Variants in FBN2 observed in about 807,000 individuals in gnomAD.
FBN2 encodes fibrillin-2.
FBN2 carries 105 observed loss-of-function variants against 355.6 expected under a neutral mutation model. The observed-to-expected ratio is 0.30, with a 90% CI of 0.25 to 0.35. The LOEUF is 0.35. Among genes scored for constraint, FBN2 ranks in the 10% least tolerant of loss-of-function variants. FBN2 has a pLI of 1.00. For synonymous variants in FBN2, 1,350 were observed against 1,301.2 expected (o/e 1.04, Z -0.81); for missense variants, 3,280 against 3,758.7 (o/e 0.87, Z 3.33).
At chr5:128,390,844 A>T (rs1158140099) in intron 11 of FBN2, among the ~76,000 whole-genome samples, 2 of 152,224 alleles carry the variant, frequency 1.3e-5, no homozygotes, top group African/African-American at 4.8e-5. Context: ...TTTGATGCTA[A>T]TGTTAACATT....
intron 25 of FBN2, among the ~76,000 whole-genome samples, chr5:128,344,158 G>A (rs1001932063): frequency 6.6e-6 from 1 of 152,180 alleles, no homozygotes; most frequent in Non-Finnish European, 1.5e-5. Context: ...GGCTGAGGTG[G>A]AGGGACTACT....
At chr5:128,510,308 G>T (rs1347671938) in intron 5 of FBN2, among the ~76,000 whole-genome samples, 1 of 152,224 alleles carries the variant, frequency 6.6e-6, no homozygotes, top group Non-Finnish European at 1.5e-5. Context: ...ACGAATTTGT[G>T]TTGGGCTGCA....
At chr5:128,525,849 T>G (rs1255264520) in intron 4 of FBN2, among the ~76,000 whole-genome samples, 7 of 152,154 alleles carry the variant, frequency 4.6e-5, no homozygotes, top group African/African-American at 1.7e-4. Context: ...AAGTGAAAAT[T>G]GTGTGAAATT....
Position 128,272,236 on chromosome 5 carries a change from G to C in FBN2, c.7841-118C>G, listed in dbSNP as rs909292886. The C allele has an allele frequency of 1.3e-5, 15 of 1,138,834 alleles. No homozygotes were observed. In the Middle Eastern group the frequency reaches 6.3e-4, roughly 48 times the overall value. 70.5% of individuals were successfully genotyped at this position (1,138,834 alleles called of 1,614,324 possible). On this transcript the variant is annotated intron_variant, in intron 61 of 64. Coordinates refer to ENST00000262464, the MANE Select transcript of FBN2 (RefSeq NM_001999.4). ...GGGAACAAACAAACAAACAAGACATGACACATAGAGAGGCTGTCATTTTTC... is the reference window on the plus strand; with the variant it reads ...GGGAACAAACAAACAAACAAGACATCACACATAGAGAGGCTGTCATTTTTC...
At chr5:128,280,510 G>T (rs930300576) in intron 55 of FBN2, among the ~76,000 whole-genome samples, 193 bp from the exon 56 acceptor site, 2 of 151,990 alleles carry the variant, frequency 1.3e-5, no homozygotes, top group Admixed American at 6.6e-5. Flanking sequence ...TCTTTCTTAA[G>T]ATAATGTTGT....
rs1452915594 is a variant in FBN2 at position 128,274,643 on chromosome 5, G to A, written c.7635C>T (p.Phe2545=). ...ECQTKQHNCQ[F]LCVNTLGGFT... is the part of the protein sequence containing the mutation. Reference sequence around the variant, plus strand: ...ACCCCCCCAGGGTGTTGACACAGAGGAACTGGCAGTTATGCTGCTTTGTTT... The same window carrying A: ...ACCCCCCCAGGGTGTTGACACAGAGAAACTGGCAGTTATGCTGCTTTGTTT... Residue 2545 remains phenylalanine, a synonymous_variant, in exon 60 of 65, where the codon TTC becomes TTT. Transcript: ENST00000262464. 6.2e-7 allele frequency: 1 copy of A among 1,613,320 alleles called. No homozygotes were observed. Among genetic ancestry groups the A allele is most frequent in the Non-Finnish European group, 8.5e-7 (1 of 1,179,304 alleles).
In FBN2 at chr5:128,349,455, C is replaced by T. The variant is rs1210313043; in HGVS notation, c.2881G>A (p.Val961Met). The T allele has an allele frequency of 6.2e-7, 1 of 1,613,800 alleles. No homozygotes were observed. Among genetic ancestry groups the T allele is most frequent in the African/African-American group, 1.3e-5 (1 of 74,894 alleles). The change falls in exon 23 of 65, where the codon GTG (valine) becomes ATG (methionine). Residue 961 changes from valine (V) to methionine (M), a missense_variant. By Grantham distance (21) the Val-to-Met change is conservative. Transcript: ENST00000262464. ...CCATTTGGACAAACGCCAGGGAACA[C>T]CTCACACTCATTAACATCTGCAGGG... ...VTCEDVNECE[V>M]FPGVCPNGRC...
chr5:128,434,295 T>C (rs1435045540), intron 7 of FBN2, among the ~76,000 whole-genome samples: 2 of 150,318 alleles, frequency 1.3e-5, no homozygotes, highest in East Asian at 2.0e-4. Flanking sequence ...CATCCTGCCA[T>C]AATATACTCC....
chr5:128,481,616 A>T (rs945879880), intron 5 of FBN2, among the ~76,000 whole-genome samples: 1 of 152,192 alleles, frequency 6.6e-6, no homozygotes, highest in African/African-American at 2.4e-5. Context: ...TGCTCAACTA[A>T]AATTTTAAAT....
intron 7 of FBN2, among the ~76,000 whole-genome samples, chr5:128,438,658 G>C (rs1188787005): frequency 1.3e-5 from 2 of 152,154 alleles, no homozygotes; most frequent in African/African-American, 4.8e-5. Context: ...GCAATGCCCT[G>C]TGACAGAGGC....
intron 5 of FBN2, among the ~76,000 whole-genome samples, chr5:128,485,170 C>T (rs578047787): frequency 6.6e-6 from 1 of 151,962 alleles, no homozygotes; most frequent in South Asian, 2.1e-4. Flanking sequence ...ACTACAGGTG[C>T]AAGACACCAT....
intron 64 of FBN2, among the ~76,000 whole-genome samples, chr5:128,260,617 T>G (rs1764941570): frequency 6.6e-6 from 1 of 152,244 alleles, no homozygotes; most frequent in Non-Finnish European, 1.5e-5. Flanking sequence ...TAAGCAGAAC[T>G]TCTGGATTTG....
At chr5:128,467,566 C>T (rs1754745250) in intron 5 of FBN2, among the ~76,000 whole-genome samples, 1 of 151,946 alleles carries the variant, frequency 6.6e-6, no homozygotes, top group Non-Finnish European at 1.5e-5. Flanking sequence ...CTTAAAATAC[C>T]TTAATTAATT....
intron 40 of FBN2, among the ~76,000 whole-genome samples, chr5:128,309,672 A>C (rs1749978686): frequency 6.6e-6 from 1 of 152,226 alleles, no homozygotes; most frequent in African/African-American, 2.4e-5. Context: ...TTAATTAAAA[A>C]AATAAAGCAT....
chr5:128,357,643 TC>T (rs1459387803), intron 19 of FBN2, among the ~76,000 whole-genome samples: 1 of 152,188 alleles, frequency 6.6e-6, no homozygotes, highest in Non-Finnish European at 1.5e-5. Context: ...AGTTACATGC[TC>T]CTTCAATACA....
chr5:128,445,196 A>G (rs924506008), intron 7 of FBN2, among the ~76,000 whole-genome samples: 16 of 152,178 alleles, frequency 1.1e-4, no homozygotes, highest in African/African-American at 3.9e-4. Context: ...CTTGTAAACA[A>G]TTTCACAGAG....
At chr5:128,523,367 TTTCTCACTC>T (rs1189684391) in intron 4 of FBN2, among the ~76,000 whole-genome samples, 2 of 152,054 alleles carry the variant, frequency 1.3e-5, no homozygotes, top group African/African-American at 4.8e-5. Flanking sequence ...ATGTCCATTC[TTTCTCACTC>T]TTCTTTGCAG....
At chr5:128,411,795 T>A (rs1356347094) in intron 7 of FBN2, among the ~76,000 whole-genome samples, 2 of 152,206 alleles carry the variant, frequency 1.3e-5, no homozygotes, top group Non-Finnish European at 2.9e-5. Context: ...GTCTTCGACC[T>A]AGTATTTCCC....
At chr5:128,271,892 A>C in intron 62 of FBN2, 107 bp downstream of exon 62, 1 of 1,354,482 alleles carries the variant, frequency 7.4e-7, no homozygotes, top group Non-Finnish European at 1.1e-6. Flanking sequence ...TTTAAAGTCT[A>C]AAATTCAAAG....
Sources: gnomAD v4.1 joint callset for allele counts (sites outside exome capture counted in the v4.1 genomes callset) on GRCh38, gnomAD v4.1.1 for gene constraint, MANE v1.5 for transcripts, NCBI Gene and HGNC (gene_info 2026-07-23, HGNC 2026-07-21) for gene names.